UTP20: variants seen among roughly 807,000 people sequenced by gnomAD.
UTP20 encodes the protein UTP20 small subunit processome component.
In UTP20, 164 loss-of-function variants were observed where a neutral mutation model predicts 329.5. That is an observed-to-expected ratio of 0.50 (90% CI 0.44 to 0.57). The LOEUF (loss-of-function observed/expected upper bound fraction) is 0.57. Among genes scored for constraint, UTP20 ranks in the 20% least tolerant of loss-of-function variants. The pLI is 0.00. For synonymous variants in UTP20, 1,151 were observed against 1,159.3 expected (o/e 0.99, Z 0.14); for missense variants, 3,055 against 3,284.2 (o/e 0.93, Z 1.71).
At position 101,311,590 on chromosome 12, in the gene UTP20, C is replaced by T. The variant is rs1012641713; in HGVS notation, c.2232-129C>T. 9.1e-6 allele frequency: 7 copies of T among 769,248 alleles called. 1 individual carries two copies. Among genetic ancestry groups the T allele is most frequent in the Middle Eastern group, 3.5e-4 (1 of 2,820 alleles). 47.7% of individuals were successfully genotyped at this position (769,248 alleles called of 1,614,324 possible). A position where few individuals can be genotyped will look rare whatever the true frequency, so the allele number is the denominator to read the frequency against. Reference sequence around the variant, plus strand: ...TATAGAAAAGTGCAAAAGGTGTTTACGACTCCACATTGAGGGATAACCTAA... The same window carrying T: ...TATAGAAAAGTGCAAAAGGTGTTTATGACTCCACATTGAGGGATAACCTAA... On this transcript the variant is annotated intron_variant, in intron 19 of 61. Transcript: ENST00000261637.
chr12:101,309,906 T>G, intron 19 of UTP20, 67 bp downstream of exon 19: 1 of 1,401,816 alleles, frequency 7.1e-7, no homozygotes, highest in Non-Finnish European at 1.0e-6. Flanking sequence ...GGGCCCAGAT[T>G]ATTCTCCTTC....
chr12:101,354,727 G>T (rs1295067388), intron 40 of UTP20, 105 bp from the exon 41 acceptor site: 10 of 1,252,416 alleles, frequency 8.0e-6, no homozygotes, highest in Non-Finnish European at 2.2e-6. Context: ...TTGCTGATTA[G>T]ATATTTTTTA....
rs1235400055 is a variant in UTP20, at chr12:101,342,492, A to G, written c.4148A>G (p.His1383Arg). The change falls in exon 33 of 62, where the codon CAT becomes CGT. Residue 1383 changes from histidine (H) to arginine (R), a missense_variant. Transcript: ENST00000261637. The stretch of plus-strand genomic sequence containing the variant: ...GTGACAGTACAAAACTTGTTAAAGC[A>G]TTGTGTGGACCCTACAAGCTTCCTC... The part of the protein sequence containing the change: ...ILVTVQNLLK[H>R]CVDPTSFLKP... The G allele has an allele frequency of 1.9e-6, 3 of 1,612,322 alleles. No homozygotes were observed. The highest frequency in any genetic ancestry group is 1.7e-5 in the Admixed American group (1 of 59,628).
At chr12:101,320,356 GA>G (rs538623915) in intron 23 of UTP20, among the ~76,000 whole-genome samples, 20 of 152,052 alleles carry the variant, frequency 1.3e-4, no homozygotes, top group Non-Finnish European at 2.6e-4. Flanking sequence ...AGGAGTTCGA[GA>G]CCAGCCTGGG....
intron 43 of UTP20, 108 bp downstream of exon 43, chr12:101,357,190 C>T: frequency 1.0e-6 from 1 of 1,002,308 alleles, no homozygotes. Context: ...ATTTGATCCA[C>T]TGACACTCTG....
At chr12:101,343,578 T>G (rs1007458979) in intron 35 of UTP20, among the ~76,000 whole-genome samples, 3 of 152,182 alleles carry the variant, frequency 2.0e-5, no homozygotes, top group African/African-American at 4.8e-5. Flanking sequence ...TGATGTGATC[T>G]TGGTTCACTG....
chr12:101,280,354 C>T, intron 1 of UTP20, 27 bp downstream of exon 1: 1 of 1,551,566 alleles, frequency 6.4e-7, no homozygotes, highest in Non-Finnish European at 8.7e-7. Flanking sequence ...AGGCAGGGAG[C>T]CGCGGGTCTC....
intron 43 of UTP20, among the ~76,000 whole-genome samples, chr12:101,358,976 G>A (rs1235588718): frequency 6.6e-6 from 1 of 152,142 alleles, no homozygotes; most frequent in Non-Finnish European, 1.5e-5. Context: ...GTGTCTAAGT[G>A]TGGATTTCTT....
At chr12:101,314,075 G>T (rs931275561) in intron 21 of UTP20, among the ~76,000 whole-genome samples, 5 of 152,132 alleles carry the variant, frequency 3.3e-5, no homozygotes, top group African/African-American at 9.7e-5. Flanking sequence ...TGTGACTGTA[G>T]AGAGAAAAGA....
At chr12:101,378,744 T>C (rs1007106994) in intron 56 of UTP20, among the ~76,000 whole-genome samples, 3 of 150,936 alleles carry the variant, frequency 2.0e-5, no homozygotes, top group Admixed American at 6.6e-5. Flanking sequence ...AAAAAGAAAA[T>C]GTAACTGTTA....
At chr12:101,378,082 T>C (rs576713170) in intron 56 of UTP20, among the ~76,000 whole-genome samples, 2 of 152,098 alleles carry the variant, frequency 1.3e-5, no homozygotes, top group African/African-American at 4.8e-5. Flanking sequence ...CTGAGTGTGG[T>C]GTATGGAGAA....
In UTP20 at chr12:101,299,411, A is replaced by G. The variant is rs553821291; in HGVS notation, c.1431-271A>G. Among the ~76,000 whole-genome samples, 14 of 152,342 alleles carry G rather than the reference A, an allele frequency of 9.2e-5. No individual in the cohort carries two copies. The South Asian group carries it at 2.7e-3, about 29-fold the overall frequency. ...AATCAAAAACATGCCCAGGAGCACAAAATTGAGAAATCATACTTAAAACTA... is the reference window on the plus strand; with the variant it reads ...AATCAAAAACATGCCCAGGAGCACAGAATTGAGAAATCATACTTAAAACTA... On this transcript the variant is annotated intron_variant, in intron 12 of 61. Coordinates refer to ENST00000261637, the MANE Select transcript of UTP20 (RefSeq NM_014503.3).
intron 50 of UTP20, 95 bp downstream of exon 50, chr12:101,370,658 C>T: frequency 7.8e-7 from 1 of 1,287,238 alleles, no homozygotes; most frequent in Non-Finnish European, 1.1e-6. Context: ...TAGTCATAGA[C>T]TTCTGAAATT....
At chr12:101,339,314 A>C (rs1023302863) in intron 31 of UTP20, among the ~76,000 whole-genome samples, 1 of 118,684 alleles carries the variant, frequency 8.4e-6, no homozygotes, top group African/African-American at 2.7e-5. Flanking sequence ...CTCCATCTCA[A>C]AAATAAAATA....
intron 43 of UTP20, among the ~76,000 whole-genome samples, chr12:101,360,260 G>A (rs1869868086): frequency 6.6e-6 from 1 of 152,132 alleles, no homozygotes; most frequent in African/African-American, 2.4e-5. Context: ...AGGAAAGTTG[G>A]GCACAGTGGT....
In UTP20 at chr12:101,352,160, C is replaced by G; in HGVS notation, c.4990C>G (p.Gln1664Glu). The change falls in exon 39 of 62, where the codon CAA becomes GAA. Residue 1664 changes from glutamine to glutamate, a missense_variant. Around this residue, in one of 3 missense-constraint regions of UTP20, gnomAD observed 2,445 missense variants for 2,575.5 expected, o/e 0.95. Transcript: ENST00000261637. ...CTTGAAACATTTCATTCATGTCTTACAAACGGGACAGATCAATCAAAAACT... is the reference window on the plus strand; with the variant it reads ...CTTGAAACATTTCATTCATGTCTTAGAAACGGGACAGATCAATCAAAAACT... ...YYLKHFIHVL[Q>E]TGQINQKLGV... The G allele has an allele frequency of 6.2e-7, 1 of 1,613,284 alleles. No homozygotes were observed. The highest frequency in any genetic ancestry group is 2.2e-5 in the East Asian group (1 of 44,850).
At chr12:101,324,511 C>T (rs940522518) in intron 25 of UTP20, among the ~76,000 whole-genome samples, 11 of 151,934 alleles carry the variant, frequency 7.2e-5, no homozygotes, top group African/African-American at 2.4e-4. Context: ...CTCAGGCTGT[C>T]CCCCCACCTT....
chr12:101,330,006 A>G (rs1028355203), intron 27 of UTP20, among the ~76,000 whole-genome samples: 14 of 152,034 alleles, frequency 9.2e-5, no homozygotes, highest in South Asian at 2.1e-4. Context: ...TAAAAAAAAA[A>G]AAAGAAAGAA....
At chr12:101,294,341 CT>C (rs1258429121) in intron 11 of UTP20, among the ~76,000 whole-genome samples, 1 of 152,078 alleles carries the variant, frequency 6.6e-6, no homozygotes, top group African/African-American at 2.4e-5. Context: ...TCTGAATATA[CT>C]GCTTTACCTT....
Sources: gnomAD v4.1 joint callset for allele counts (sites outside exome capture counted in the v4.1 genomes callset) on GRCh38, gnomAD v4.1.1 for gene constraint, gnomAD v4.1.1 regional missense constraint, MANE v1.5 for transcripts, NCBI Gene and HGNC (gene_info 2026-07-23, HGNC 2026-07-21) for gene names.